The following HDAC4 variants were observed in gnomAD, a reference collection of about 807,000 sequenced individuals.
HDAC4 encodes the protein histone deacetylase 4.
HDAC4 carries 16 observed loss-of-function variants against 135.1 expected under a neutral mutation model. The observed-to-expected ratio is 0.12, with a 90% CI of 0.08 to 0.18. The LOEUF (loss-of-function observed/expected upper bound fraction) is 0.18. Among genes scored for constraint, HDAC4 ranks in the 10% least tolerant of loss-of-function variants. The pLI is 1.00. For synonymous variants in HDAC4, 685 were observed against 653.4 expected (o/e 1.05, Z -0.74); for missense variants, 1,143 against 1,511.8 (o/e 0.76, Z 4.05).
intron 3 of HDAC4, among the ~76,000 whole-genome samples, chr2:239,228,303 C>T (rs896577324): frequency 6.6e-6 from 1 of 152,212 alleles, no homozygotes; most frequent in Non-Finnish European, 1.5e-5. Context: ...CCCATGTCTG[C>T]CAGGCTCCCA....
rs1405467482 is a variant in HDAC4 at position 239,068,607 on chromosome 2, T to C, written c.2751A>G (p.Arg917=). The change falls in exon 23 of 27, where the codon AGA becomes AGG. Residue 917 remains arginine (R), a splice_region_variant and synonymous_variant. Coordinates refer to ENST00000543185, the MANE Select transcript of HDAC4 (RefSeq NM_001378414.1). This position sits in a 1 kb window ranked among gnomAD's most constrained non-coding sequence, Gnocchi z 4.4. The part of the protein sequence containing the change: ...MGDAEYLAAF[R]TVVMPIASEF... ...CGCTGGCGATCGGCATGACCACCGT[T>C]CTGCAAAGGACAGGAGAAGGCGTTA... 4.3e-6 allele frequency: 7 copies of C among 1,613,170 alleles called. No individual in the cohort carries two copies. The highest frequency in any genetic ancestry group is 5.9e-6 in the Non-Finnish European group (7 of 1,179,304).
chr2:239,398,163 G>C (rs781504322), intron 1 of HDAC4, among the ~76,000 whole-genome samples: 2 of 152,206 alleles, frequency 1.3e-5, no homozygotes, highest in Admixed American at 6.5e-5. Context: ...CAGTTCTCTC[G>C]GCCTCTGCGG....
At chr2:239,190,221 T>TG in intron 3 of HDAC4, 144 bp from the exon 4 acceptor site, 1 of 1,146,492 alleles carries the variant, frequency 8.7e-7, no homozygotes, top group Non-Finnish European at 1.2e-6. Context: ...CCTCTCCCCC[T>TG]GTCCCCCTCT....
At chr2:239,401,519 C>T (rs1411910828), upstream of HDAC4, 4 of 185,206 alleles carry the variant, frequency 2.2e-5, no homozygotes, top group Admixed American at 1.3e-4. Flanking sequence ...ACTCGGTAGC[C>T]CGCATGGCTG....
intron 24 of HDAC4, among the ~76,000 whole-genome samples, chr2:239,062,744 C>T (rs762809537): frequency 5.3e-5 from 8 of 152,218 alleles, no homozygotes; most frequent in Admixed American, 2.0e-4. Context: ...AACAGCAGCC[C>T]GGTCTTTTAT....
rs5839738 is a variant in HDAC4, at chr2:239,274,013, A to AT, written c.23-37350dup. Reference sequence around the variant, plus strand: ...GGTCGCATGTTCGGAAGACACCTGCATGACGGTAGAACTGCTTTGGAACAA... The same window carrying AT: ...GGTCGCATGTTCGGAAGACACCTGCATTGACGGTAGAACTGCTTTGGAACAA... On this transcript the variant is annotated intron_variant, in intron 2 of 26. Transcript: ENST00000543185. Among the ~76,000 whole-genome samples, 258 of 152,370 alleles carry AT rather than the reference A, an allele frequency of 1.7e-3. 3 individuals carry two copies. In the East Asian group the frequency reaches 0.046, roughly 27 times the overall value.
At chr2:239,265,216 G>A (rs532334107) in intron 2 of HDAC4, among the ~76,000 whole-genome samples, 1 of 152,290 alleles carries the variant, frequency 6.6e-6, no homozygotes, top group East Asian at 1.9e-4. Flanking sequence ...CCAACCCCAG[G>A]ATGGGTCCAG....
rs200812598 is a variant in HDAC4 at position 239,346,673 on chromosome 2, AAC to A, written c.22+6003_22+6004del. Among the ~76,000 whole-genome samples the A allele has an allele frequency of 7.8e-3, 1,166 of 149,740 alleles. 17 individuals carry two copies. Among genetic ancestry groups the A allele is most frequent in the African/African-American group, 0.027 (1,107 of 40,668 alleles). On this transcript the variant is annotated intron_variant, in intron 2 of 26. Coordinates refer to ENST00000543185, the MANE Select transcript of HDAC4 (RefSeq NM_001378414.1). The stretch of plus-strand genomic sequence containing the variant: ...ACACCCATATCTTAATACAGTCTAA[AAC>A]ACACACACTGTCTAAAACACACACC...
At chr2:239,380,080 G>A (rs983808912) in intron 1 of HDAC4, among the ~76,000 whole-genome samples, 4 of 152,236 alleles carry the variant, frequency 2.6e-5, no homozygotes, top group African/African-American at 7.2e-5. Context: ...ACCTGGGGTC[G>A]GGGGCGCGGC....
rs779834312 is a variant in HDAC4, at chr2:239,068,133, C to T, written c.2869+356G>A. Among the ~76,000 whole-genome samples the T allele has an allele frequency of 1.5e-4, 23 of 152,260 alleles. No homozygotes were observed. Among genetic ancestry groups the T allele is most frequent in the East Asian group, 7.8e-4 (4 of 5,156 alleles). On this transcript the variant is annotated intron_variant, in intron 23 of 26. Coordinates refer to ENST00000543185, the MANE Select transcript of HDAC4 (RefSeq NM_001378414.1). The surrounding 1 kb of genome is among the most constrained non-coding windows in gnomAD (Gnocchi z 4.4). ...TTCCCTTTACAGTTCCAAGGAGCAC[C>T]GCCTGCCAGAGAAGCGGCATGGGGC...
At chr2:239,289,815 C>T (rs968667218) in intron 2 of HDAC4, among the ~76,000 whole-genome samples, 33 of 152,234 alleles carry the variant, frequency 2.2e-4, no homozygotes, top group African/African-American at 6.3e-4. Context: ...GGTTATAACC[C>T]TCCGTTTCCC....
intron 7 of HDAC4, among the ~76,000 whole-genome samples, chr2:239,148,890 A>G (rs2041931915): frequency 1.3e-5 from 2 of 152,188 alleles, no homozygotes; most frequent in South Asian, 4.1e-4. Context: ...CTGAATTGAT[A>G]GCAGGCAGGT....
chr2:239,392,945 G>A (rs1172795808), intron 1 of HDAC4, among the ~76,000 whole-genome samples: 4 of 152,158 alleles, frequency 2.6e-5, no homozygotes, highest in Admixed American at 2.0e-4. Context: ...GTCCCCCAGC[G>A]GGTCCCCTCC....
chr2:239,286,899 C>A (rs1442647143), intron 2 of HDAC4, among the ~76,000 whole-genome samples: 1 of 152,204 alleles, frequency 6.6e-6, no homozygotes, highest in Non-Finnish European at 1.5e-5. Flanking sequence ...ATCAGACACA[C>A]ATACACACGC....
At chr2:239,379,350 C>T (rs1000518983) in intron 1 of HDAC4, among the ~76,000 whole-genome samples, 8 of 152,182 alleles carry the variant, frequency 5.3e-5, no homozygotes, top group African/African-American at 1.4e-4. Flanking sequence ...GAAAGCAGAG[C>T]GTGTGATGAT....
chr2:239,380,991 GA>G (rs1168534027), intron 1 of HDAC4, among the ~76,000 whole-genome samples: 9 of 152,286 alleles, frequency 5.9e-5, no homozygotes. Context: ...TGATAGCTGA[GA>G]AAATGACTGG....
intron 2 of HDAC4, among the ~76,000 whole-genome samples, chr2:239,261,452 G>C (rs2049360715): frequency 6.6e-6 from 1 of 152,184 alleles, no homozygotes; most frequent in Admixed American, 6.5e-5. Context: ...CCTGGGCTCT[G>C]GGAGGTGGGC....
Position 239,146,272 on chromosome 2 carries a change from T to C in HDAC4, c.734-1558A>G, listed in dbSNP as rs76863258. On this transcript the variant is annotated intron_variant, in intron 7 of 26. Coordinates refer to ENST00000543185, the MANE Select transcript of HDAC4 (RefSeq NM_001378414.1). The surrounding 1 kb of genome is among the most constrained non-coding windows in gnomAD (Gnocchi z 4.5). ...CAAGCCAAAAAACCCAACTGATGAC[T>C]AGGCAAGAAAACAGTACCTCTTCTC... Among the ~76,000 whole-genome samples the C allele has an allele frequency of 7.5e-3, 1,141 of 152,262 alleles. 16 individuals are homozygous for C. The highest frequency in any genetic ancestry group is 0.026 in the African/African-American group (1,083 of 41,564).
chr2:239,391,065 G>A (rs898712471), intron 1 of HDAC4, among the ~76,000 whole-genome samples: 1 of 152,202 alleles, frequency 6.6e-6, no homozygotes, highest in Non-Finnish European at 1.5e-5. Context: ...TCAGGGCCAG[G>A]GGCCTCGGCT....
Sources: allele counts gnomAD v4.1 joint callset (sites outside exome capture counted in the v4.1 genomes callset), GRCh38; gene constraint gnomAD v4.1.1; non-coding constraint Gnocchi (gnomAD v3.1); transcripts MANE v1.5; gene names NCBI Gene and HGNC (gene_info 2026-07-23, HGNC 2026-07-21).